Variants in SCAMP2 observed in about 807,000 individuals in gnomAD.
SCAMP2 encodes the protein secretory carrier membrane protein 2.
A neutral mutation model predicts 44.1 loss-of-function variants in SCAMP2; 25 were observed. That is an observed-to-expected ratio of 0.57 (90% CI 0.41 to 0.79). SCAMP2 has a LOEUF of 0.79. Ranked by LOEUF, SCAMP2 falls within the 30% of genes least tolerant of loss-of-function variation. The probability of loss-of-function intolerance (pLI) is 0.00; values close to 1 mark genes in which losing one functional copy is unlikely to be tolerated. For synonymous variants in SCAMP2, 156 were observed against 166.0 expected (o/e 0.94, Z 0.46); for missense variants, 355 against 411.0 (o/e 0.86, Z 1.18).
intron 7 of SCAMP2, 44 bp downstream of exon 7, chr15:74,848,556 C>A: frequency 7.9e-7 from 1 of 1,261,736 alleles, no homozygotes; most frequent in Non-Finnish European, 1.2e-6. Flanking sequence ...GAGGCTGAGT[C>A]CCATATCCAA....
rs139741068 is a variant in SCAMP2 at position 74,862,659 on chromosome 15, T to A, written c.58-8010A>T. On this transcript the variant is annotated intron_variant, in intron 1 of 8. Coordinates refer to ENST00000268099, the MANE Select transcript of SCAMP2 (RefSeq NM_005697.5). ...TATTTTCTGTTTTCCAAATTTTCTA[T>A]AATATGGTCATGTTATTTTGATTTT... 2.0e-3 allele frequency among the ~76,000 whole-genome samples: 310 copies of A among 151,836 alleles called. 1 individual carries two copies. Among genetic ancestry groups the A allele is most frequent in the Middle Eastern group, 0.014 (4 of 294 alleles).
intron 7 of SCAMP2, chr15:74,848,310 T>G (rs2064412569): frequency 3.8e-6 from 1 of 261,244 alleles, no homozygotes; most frequent in African/African-American, 2.2e-5. Context: ...TTGAGCAATC[T>G]GCCTGCCTCG....
At chr15:74,867,369 A>G (rs1171134646) in intron 1 of SCAMP2, among the ~76,000 whole-genome samples, 1 of 152,246 alleles carries the variant, frequency 6.6e-6, no homozygotes, top group Non-Finnish European at 1.5e-5. Context: ...TTTCCAAAGA[A>G]GACTTAACGG....
At chr15:74,864,235 G>A (rs2064527414) in intron 1 of SCAMP2, among the ~76,000 whole-genome samples, 1 of 152,032 alleles carries the variant, frequency 6.6e-6, no homozygotes, top group South Asian at 2.1e-4. Flanking sequence ...CTAATTTTTT[G>A]TATTTTTAGT....
At position 74,853,157 on chromosome 15, in the gene SCAMP2, G is replaced by A. The variant is rs777730432; in HGVS notation, c.225+864C>T. 4.0e-5 allele frequency: 13 copies of A among 326,818 alleles called. No homozygotes were observed. In the Admixed American group the frequency reaches 4.0e-4, roughly 10 times the overall value. 20.2% of individuals were successfully genotyped at this position (326,818 alleles called of 1,614,324 possible). Reference sequence around the variant, plus strand: ...CGGAAGCAGGAGCAGAACTGACCCCGCTGTGCCACGCTGGGGGTCTTGACC... The same window carrying A: ...CGGAAGCAGGAGCAGAACTGACCCCACTGTGCCACGCTGGGGGTCTTGACC... On this transcript the variant is annotated intron_variant, in intron 3 of 8. Coordinates refer to ENST00000268099, the MANE Select transcript of SCAMP2 (RefSeq NM_005697.5).
intron 1 of SCAMP2, among the ~76,000 whole-genome samples, chr15:74,863,514 A>G (rs2064522735): frequency 6.6e-6 from 1 of 151,468 alleles, no homozygotes. Context: ...CCATCTCCAA[A>G]AAAAAAAAAA....
chr15:74,853,881 G>T, intron 3 of SCAMP2, 140 bp downstream of exon 3: 1 of 701,930 alleles, frequency 1.4e-6, no homozygotes, highest in Non-Finnish European at 2.4e-6. Context: ...TAGGTGACCA[G>T]CTCCGAACAA....
rs2064590008 is a variant in SCAMP2 at position 74,873,273 on chromosome 15, G to C, written c.-18C>G. The C allele has an allele frequency of 6.8e-7, 1 of 1,478,538 alleles. No individual in the cohort carries two copies. The highest frequency in any genetic ancestry group is 1.4e-5 in the South Asian group (1 of 73,240). The allele number at this position is 1,478,538 out of a possible 1,614,324, so 91.6% of individuals were successfully genotyped here. On this transcript the variant is annotated 5_prime_UTR_variant, in exon 1 of 9. Transcript: ENST00000268099. The stretch of plus-strand genomic sequence containing the variant: ...GCCGACATGGTGATCGGGGGCCAGC[G>C]GGCGAACTCCGCGAACGCTGCTGCC...
At chr15:74,851,230 C>G in intron 5 of SCAMP2, 123 bp downstream of exon 5, 1 of 1,153,940 alleles carries the variant, frequency 8.7e-7, no homozygotes, top group Admixed American at 2.1e-5. Flanking sequence ...CCAGCCCAGG[C>G]ACTGAGGAAG....
At chr15:74,864,371 A>C (rs2064528704) in intron 1 of SCAMP2, among the ~76,000 whole-genome samples, 1 of 152,088 alleles carries the variant, frequency 6.6e-6, no homozygotes, top group Admixed American at 6.6e-5. Context: ...GAGAATCTTT[A>C]AAAAGAGCTT....
chr15:74,863,918 G>T (rs918049695), intron 1 of SCAMP2, among the ~76,000 whole-genome samples: 1 of 152,198 alleles, frequency 6.6e-6, no homozygotes, highest in Non-Finnish European at 1.5e-5. Context: ...GAGTAATTAA[G>T]CTGTCTGGGA....
chr15:74,865,410 A>G (rs547038994), intron 1 of SCAMP2, among the ~76,000 whole-genome samples: 1 of 151,514 alleles, frequency 6.6e-6, no homozygotes, highest in African/African-American at 2.4e-5. Context: ...GAAAAGAAAA[A>G]AGAAAGAAAG....
chr15:74,845,693 C>T (rs1404283425), intron 7 of SCAMP2, 100 bp from the exon 8 acceptor site: 1 of 1,432,370 alleles, frequency 7.0e-7, no homozygotes, highest in African/African-American at 1.4e-5. Flanking sequence ...TCCTGACCAT[C>T]ACCTTGGCAT....
At chr15:74,847,288 C>T (rs894049747) in intron 7 of SCAMP2, among the ~76,000 whole-genome samples, 1 of 152,054 alleles carries the variant, frequency 6.6e-6, no homozygotes, top group Non-Finnish European at 1.5e-5. Context: ...CAAGGTTTTG[C>T]CATGTTGGCC....
intron 4 of SCAMP2, among the ~76,000 whole-genome samples, 175 bp from the exon 5 acceptor site, chr15:74,851,656 A>C (rs1596415263): frequency 6.6e-6 from 1 of 152,214 alleles, no homozygotes; most frequent in East Asian, 1.9e-4. Context: ...AATGGAACCC[A>C]AAGAGATACC....
chr15:74,869,140 C>T (rs1194498379), intron 1 of SCAMP2, among the ~76,000 whole-genome samples: 3 of 152,064 alleles, frequency 2.0e-5, no homozygotes, highest in East Asian at 3.9e-4. Flanking sequence ...GGCAAAAGAG[C>T]GAAACACCAT....
chr15:74,862,855 C>CACACACAT (rs1200812403), intron 1 of SCAMP2, among the ~76,000 whole-genome samples: 482 of 21,212 alleles, frequency 0.023, 4 homozygotes, highest in South Asian at 0.08. Context: ...ACAAACCATA[C>CACACACAT]ACACACACAC....
At chr15:74,853,428 C>A in intron 3 of SCAMP2, 1 of 456,494 alleles carries the variant, frequency 2.2e-6, no homozygotes, top group Non-Finnish European at 4.4e-6. Flanking sequence ...GGAGCATCTG[C>A]CTCTCTGAGA....
At chr15:74,865,968 AAGGAAGG>A (rs2064540073) in intron 1 of SCAMP2, among the ~76,000 whole-genome samples, 1 of 24,718 alleles carries the variant, frequency 4.0e-5, no homozygotes, top group African/African-American at 7.1e-5. Context: ...GGAAGGAAGG[AAGGAAGG>A]AAGGAAGGAA....
Sources: allele counts gnomAD v4.1 joint callset (sites outside exome capture counted in the v4.1 genomes callset), GRCh38; gene constraint gnomAD v4.1.1; transcripts MANE v1.5; gene names NCBI Gene and HGNC (gene_info 2026-07-23, HGNC 2026-07-21).